Variants in RIT2 observed in about 807,000 individuals in gnomAD.
The protein encoded by RIT2 is Ras like without CAAX 2, also known as GTP-binding protein Rit2.
In RIT2, 24 loss-of-function variants were observed where a neutral mutation model predicts 23.7. The observed-to-expected ratio is 1.01, with a 90% CI of 0.73 to 1.43. The LOEUF is 1.43. Ranked by LOEUF, RIT2 falls within the 40% of genes most tolerant of loss-of-function variation. The pLI is 0.00. For synonymous variants in RIT2, 107 were observed against 91.1 expected, an observed-to-expected ratio of 1.17 and a Z score of -0.99; for missense variants, 236 against 266.9, an observed-to-expected ratio of 0.88 and a Z score of 0.81.
chr18:42,996,684 C>G (rs778802035), intron 2 of RIT2, among the ~76,000 whole-genome samples: 1 of 151,822 alleles, frequency 6.6e-6, no homozygotes, highest in Non-Finnish European at 1.5e-5. Flanking sequence ...TCTTATAAAA[C>G]GGCCTCACCC....
intron 4 of RIT2, among the ~76,000 whole-genome samples, chr18:42,904,947 C>A (rs998892903): frequency 6.6e-6 from 1 of 152,070 alleles, no homozygotes; most frequent in Admixed American, 6.6e-5. Context: ...AATTCAATAA[C>A]TAGGACATAG....
At chr18:42,768,362 TCAG>T (rs1342772598) in intron 4 of RIT2, among the ~76,000 whole-genome samples, 1 of 152,088 alleles carries the variant, frequency 6.6e-6, no homozygotes, top group Non-Finnish European at 1.5e-5. Flanking sequence ...CAACCAACAG[TCAG>T]CAGAAGTTCA....
In RIT2 at chr18:42,743,464, A is replaced by G. The variant is rs764891178; in HGVS notation, c.*29T>C. Reference sequence around the variant, plus strand: ...GAATTGTCCAACTAATAAAATTCAGAGAGCGTGAGGAACTCAAAAGCAAAG... The same window carrying G: ...GAATTGTCCAACTAATAAAATTCAGGGAGCGTGAGGAACTCAAAAGCAAAG... On this transcript the variant is annotated 3_prime_UTR_variant, in exon 5 of 5. Transcript: ENST00000326695. 1.3e-6 allele frequency: 2 copies of G among 1,481,750 alleles called. No individual in the cohort carries two copies. The highest frequency in any genetic ancestry group is 9.4e-7 in the Non-Finnish European group (1 of 1,062,774). 91.8% of individuals were successfully genotyped at this position (1,481,750 alleles called of 1,614,324 possible). A position where few individuals can be genotyped will look rare whatever the true frequency, so the allele number is the denominator to read the frequency against.
At chr18:43,071,484 G>T (rs9965411) in intron 1 of RIT2, among the ~76,000 whole-genome samples, 6 of 151,918 alleles carry the variant, frequency 3.9e-5, no homozygotes, top group African/African-American at 1.5e-4. Flanking sequence ...TTGACAGTTG[G>T]CATTTTCTTC....
At chr18:42,830,434 G>A (rs1009255286) in intron 4 of RIT2, among the ~76,000 whole-genome samples, 2 of 152,188 alleles carry the variant, frequency 1.3e-5, no homozygotes, top group Non-Finnish European at 2.9e-5. Flanking sequence ...ACAGACAGTA[G>A]TGAGAACTCC....
intron 3 of RIT2, among the ~76,000 whole-genome samples, chr18:42,959,477 A>T (rs1189330030): frequency 6.6e-6 from 1 of 152,188 alleles, no homozygotes; most frequent in East Asian, 1.9e-4. Context: ...TCCTAAACAG[A>T]TACTAATTTT....
intron 1 of RIT2, among the ~76,000 whole-genome samples, chr18:43,051,102 A>T (rs902565626): frequency 1.3e-5 from 2 of 151,862 alleles, no homozygotes; most frequent in Non-Finnish European, 2.9e-5. Context: ...GCAGGCTGAG[A>T]CTCCAACCTG....
At chr18:42,925,651 G>A (rs747772050) in intron 3 of RIT2, among the ~76,000 whole-genome samples, 5 of 151,512 alleles carry the variant, frequency 3.3e-5, no homozygotes, top group African/African-American at 4.8e-5. Context: ...TATTTAAATG[G>A]TACAGATATA....
intron 4 of RIT2, among the ~76,000 whole-genome samples, chr18:42,795,234 A>AG (rs931003685): frequency 6.6e-6 from 1 of 152,172 alleles, no homozygotes; most frequent in Admixed American, 6.5e-5. Flanking sequence ...CTCAGCTTGC[A>AG]GGGAGGTGTG....
chr18:43,035,479 C>T (rs1322227370), intron 1 of RIT2, among the ~76,000 whole-genome samples: 1 of 152,108 alleles, frequency 6.6e-6, no homozygotes, highest in Non-Finnish European at 1.5e-5. Context: ...AAGTTAGTTC[C>T]TGAACTTCAG....
At chr18:42,881,287 T>C (rs1038305169) in intron 4 of RIT2, among the ~76,000 whole-genome samples, 3 of 152,238 alleles carry the variant, frequency 2.0e-5, no homozygotes, top group East Asian at 1.9e-4. Flanking sequence ...AATTCACATA[T>C]ATTTTGCTAT....
At chr18:42,960,460 G>T (rs1211465037) in intron 3 of RIT2, among the ~76,000 whole-genome samples, 1 of 152,084 alleles carries the variant, frequency 6.6e-6, no homozygotes, top group Non-Finnish European at 1.5e-5. Context: ...GATTACAGGT[G>T]TCCACCACCA....
At chr18:43,056,542 T>C (rs998452235) in intron 1 of RIT2, among the ~76,000 whole-genome samples, 9 of 152,238 alleles carry the variant, frequency 5.9e-5, no homozygotes, top group African/African-American at 2.2e-4. Flanking sequence ...GGCTGAGAAA[T>C]GACCAATAGG....
chr18:43,030,091 G>A (rs979551551), intron 2 of RIT2, among the ~76,000 whole-genome samples: 2 of 151,982 alleles, frequency 1.3e-5, no homozygotes, highest in Admixed American at 6.6e-5. Context: ...GGATACACTA[G>A]TAATAACATA....
Position 43,062,451 on chromosome 18 carries a change from T to C in RIT2, c.104-28584A>G, listed in dbSNP as rs143365087. ...CCATTATTCTTAGTAGCTGAAAAGA[T>C]TTTGATGAGATTTACTTTTTATAGC... is the stretch of plus-strand genomic sequence containing the variant. On this transcript the variant is annotated intron_variant, in intron 1 of 4. Transcript: ENST00000326695. Among the ~76,000 whole-genome samples the C allele has an allele frequency of 4.5e-3, 683 of 152,252 alleles. 6 individuals are homozygous for C. The highest frequency in any genetic ancestry group is 0.016 in the African/African-American group (653 of 41,562).
chr18:42,890,491 A>AGGAGGGAG (rs907417492), intron 4 of RIT2, among the ~76,000 whole-genome samples: 1 of 140,322 alleles, frequency 7.1e-6, no homozygotes. Flanking sequence ...GAGGGAGTCA[A>AGGAGGGAG]GGAGGGAGGG....
intron 2 of RIT2, among the ~76,000 whole-genome samples, chr18:43,014,543 T>C (rs1242272760): frequency 6.6e-6 from 1 of 151,664 alleles, no homozygotes; most frequent in Non-Finnish European, 1.5e-5. Flanking sequence ...CTCTGGAGAC[T>C]TTTTTTCTAA....
At chr18:43,006,295 TAGAAGAAGAAAGAAGGA>T (rs1911227009) in intron 2 of RIT2, among the ~76,000 whole-genome samples, 2 of 149,040 alleles carry the variant, frequency 1.3e-5, no homozygotes, top group African/African-American at 5.0e-5. Context: ...TATAAGTAAG[TAGAAGAAGAAAGAAGGA>T]AGAAGAAGAA....
chr18:42,835,813 G>T (rs1266774784), intron 4 of RIT2, among the ~76,000 whole-genome samples: 1 of 152,044 alleles, frequency 6.6e-6, no homozygotes, highest in East Asian at 1.9e-4. Context: ...TAAAATAAAA[G>T]TTATAAAGTC....
Sources: allele counts gnomAD v4.1 joint callset (sites outside exome capture counted in the v4.1 genomes callset), GRCh38; gene constraint gnomAD v4.1.1; transcripts MANE v1.5; gene names NCBI Gene and HGNC (gene_info 2026-07-23, HGNC 2026-07-21).